The following PREPL variants were observed in gnomAD, a reference collection of about 807,000 sequenced individuals.
PREPL encodes prolyl endopeptidase like, also known as prolyl endopeptidase-like.
PREPL carries 77 observed loss-of-function variants against 70.6 expected under a neutral mutation model. That is an observed-to-expected ratio of 1.09 (90% confidence interval 0.91 to 1.32). The LOEUF (loss-of-function observed/expected upper bound fraction) is 1.32. Ranked by LOEUF, PREPL falls within the 40% of genes most tolerant of loss-of-function variation. The pLI is 0.00. For synonymous variants in PREPL, 315 were observed against 264.8 expected (o/e 1.19, Z -1.84); for missense variants, 1,002 against 778.2 (o/e 1.29, Z -3.42).
chr2:44,328,230 G>C, intron 9 of PREPL, among the ~76,000 whole-genome samples: 1 of 143,200 alleles, frequency 7.0e-6, no homozygotes, highest in Non-Finnish European at 1.5e-5. Flanking sequence ...TCATGCCACT[G>C]CACACTCCAG....
rs935323129 is a variant in PREPL at position 44,349,681 on chromosome 2, G to A, written c.-48-3291C>T. On this transcript the variant is annotated intron_variant, in intron 1 of 13. Transcript: ENST00000409411. The stretch of plus-strand genomic sequence containing the variant: ...ACAAAACTGATAGAAAAAAGAATAC[G>A]AGGCCGGGCGCGGTGGCTCACGCCT... Among the ~76,000 whole-genome samples, 5 of 152,006 alleles carry A rather than the reference G, an allele frequency of 3.3e-5. No individual in the cohort carries two copies. The East Asian group carries it at 9.6e-4, about 29-fold the overall frequency.
At chr2:44,346,569 T>A (rs962838927) in intron 1 of PREPL, among the ~76,000 whole-genome samples, 179 bp from the exon 2 acceptor site, 1 of 152,164 alleles carries the variant, frequency 6.6e-6, no homozygotes, top group Non-Finnish European at 1.5e-5. Flanking sequence ...TAAAATGATC[T>A]TTTTCGTTAA....
chr2:44,321,595 T>G, intron 13 of PREPL, 150 bp from the exon 14 acceptor site: 2 of 1,485,274 alleles, frequency 1.3e-6, no homozygotes, highest in Non-Finnish European at 1.8e-6. Flanking sequence ...GGCAGAAGGC[T>G]TCCAACAATT....
chr2:44,351,808 C>T (rs1221326595), intron 1 of PREPL, among the ~76,000 whole-genome samples: 3 of 152,206 alleles, frequency 2.0e-5, no homozygotes, highest in African/African-American at 4.8e-5. Flanking sequence ...GCCTCCTGGT[C>T]TATTTTCAAC....
Position 44,338,777 on chromosome 2 carries a change from G to A in PREPL, c.703-241C>T, listed in dbSNP as rs545617059. 2.0e-5 allele frequency among the ~76,000 whole-genome samples: 3 copies of A among 152,206 alleles called. No individual in the cohort carries two copies. The East Asian group carries it at 5.8e-4, about 29-fold the overall frequency. On this transcript the variant is annotated intron_variant, in intron 6 of 13. Coordinates refer to ENST00000409411, the MANE Select transcript of PREPL (RefSeq NM_001171613.2). ...GCCAACCACTGGACATTTGAGTGAG[G>A]GCACTGACAGCTAGCTGACTACAGA...
rs567832905 is a variant in PREPL at position 44,359,062 on chromosome 2, A to G, written c.-49+2318T>C. On this transcript the variant is annotated intron_variant, in intron 1 of 13. Coordinates refer to ENST00000409411, the MANE Select transcript of PREPL (RefSeq NM_001171613.2). ...ACATTAGAGCCCTATAAATATATGT[A>G]TACACTTTTTTTTTTTTTTTTTTTT... 1.0e-3 allele frequency among the ~76,000 whole-genome samples: 141 copies of G among 140,950 alleles called. 1 individual carries two copies. The East Asian group carries it at 0.022, about 22-fold the overall frequency. 92.5% of individuals were successfully genotyped at this position (140,950 alleles called of 152,430 possible). A position where few individuals can be genotyped will look rare whatever the true frequency, so the allele number is the denominator to read the frequency against.
At chr2:44,357,443 C>T (rs2104234671) in intron 1 of PREPL, among the ~76,000 whole-genome samples, 1 of 152,256 alleles carries the variant, frequency 6.6e-6, no homozygotes, top group South Asian at 2.1e-4. Flanking sequence ...GTGATAAAGA[C>T]CATGGCTTTT....
At chr2:44,342,309 T>C (rs1675309358) in intron 5 of PREPL, 108 bp downstream of exon 5, 2 of 1,011,166 alleles carry the variant, frequency 2.0e-6, no homozygotes, top group African/African-American at 1.6e-5. Context: ...TTAGCCTTAT[T>C]ATTCCTGGTT....
intron 1 of PREPL, among the ~76,000 whole-genome samples, chr2:44,353,025 T>A (rs183990419): frequency 1.3e-5 from 2 of 152,050 alleles, no homozygotes; most frequent in Admixed American, 6.6e-5. Flanking sequence ...GACAGGAGGA[T>A]TGCTTGAGCC....
At chr2:44,339,626 C>T (rs905381342) in intron 5 of PREPL, among the ~76,000 whole-genome samples, 2 of 152,110 alleles carry the variant, frequency 1.3e-5, no homozygotes, top group African/African-American at 2.4e-5. Context: ...GTTGAAAAAA[C>T]CATCTTGATT....
chr2:44,323,411 C>A lies in PREPL; in HGVS notation c.1480G>T (p.Ala494Ser), dbSNP rs2103697109. Residue 494 changes from alanine (A) to serine (S), a missense_variant and splice_region_variant, in exon 11 of 14, where the codon GCA (alanine) becomes TCA (serine). Coordinates refer to ENST00000409411, the MANE Select transcript of PREPL (RefSeq NM_001171613.2). ...GTGTTGAGAACATCCAAGAAAGGTG[C>A]CTAAAAAAAAGGCAAAGAAACTTAT... ...PELVRAVTLE[A>S]PFLDVLNTMM... 1.3e-6 allele frequency: 2 copies of A among 1,562,844 alleles called. No homozygotes were observed. The highest frequency in any genetic ancestry group is 1.2e-5 in the South Asian group (1 of 82,800).
Position 44,328,983 on chromosome 2 carries a change from G to GC in PREPL, c.1215dup (p.Arg406AlafsTer6). 1 of 1,613,944 alleles carries GC rather than the reference G, an allele frequency of 6.2e-7. No individual in the cohort carries two copies. Among genetic ancestry groups the GC allele is most frequent in the Non-Finnish European group, 8.5e-7 (1 of 1,179,966 alleles). On this transcript the variant is annotated frameshift_variant, in exon 9 of 14. Coordinates refer to ENST00000409411, the MANE Select transcript of PREPL (RefSeq NM_001171613.2). LOFTEE classifies it high-confidence loss of function. Reference sequence around the variant, plus strand: ...ATCCATCCATCATCCACCAGGACCCGCCTCTCAGGCCTGAAATTCATTTTC... The same window carrying GC: ...ATCCATCCATCATCCACCAGGACCCGCCCTCTCAGGCCTGAAATTCATTTTC...
At chr2:44,324,043 C>T (rs1371836036) in intron 10 of PREPL, among the ~76,000 whole-genome samples, 1 of 152,120 alleles carries the variant, frequency 6.6e-6, no homozygotes, top group Non-Finnish European at 1.5e-5. Flanking sequence ...AACCAAAGAA[C>T]GAATAAGCAA....
intron 9 of PREPL, 80 bp from the exon 10 acceptor site, chr2:44,327,008 G>A (rs1673575168): frequency 1.6e-6 from 2 of 1,232,390 alleles, no homozygotes; most frequent in South Asian, 2.6e-5. Context: ...TACACCTGGA[G>A]GCCTGTTTTT....
intron 1 of PREPL, among the ~76,000 whole-genome samples, chr2:44,349,280 C>T (rs1454224322): frequency 1.3e-5 from 2 of 151,918 alleles, no homozygotes; most frequent in Non-Finnish European, 2.9e-5. Context: ...AAGGCTAGAG[C>T]AGGGAGAAAA....
intron 8 of PREPL, 38 bp from the exon 9 acceptor site, chr2:44,329,150 C>CTTTT (rs963512870): frequency 6.7e-7 from 1 of 1,502,624 alleles, no homozygotes; most frequent in African/African-American, 1.4e-5. Context: ...AAAGAAGAGT[C>CTTTT]TTTTATAATA....
intron 1 of PREPL, among the ~76,000 whole-genome samples, chr2:44,354,021 G>C (rs1676739316): frequency 6.6e-6 from 1 of 152,016 alleles, no homozygotes; most frequent in African/African-American, 2.4e-5. Flanking sequence ...CAAAAAATTA[G>C]CTGGGCATAG....
At position 44,319,674 on chromosome 2, in the gene PREPL, T is replaced by G. The variant is rs1167277822; in HGVS notation, c.*1682A>C. 6.5e-6 allele frequency: 1 copy of G among 152,852 alleles called. No individual in the cohort carries two copies. The highest frequency in any genetic ancestry group is 1.5e-5 in the Non-Finnish European group (1 of 68,538). The allele number at this position is 152,852 out of a possible 1,614,324, so 9.5% of individuals were successfully genotyped here. A position where few individuals can be genotyped will look rare whatever the true frequency, so the allele number is the denominator to read the frequency against. Reference sequence around the variant, plus strand: ...TTTCACCTTAGGCAGCTTTTTATTTTGCATCCTTTTTTTCAACTTTGTCTT... The same window carrying G: ...TTTCACCTTAGGCAGCTTTTTATTTGGCATCCTTTTTTTCAACTTTGTCTT... On this transcript the variant is annotated 3_prime_UTR_variant, in exon 14 of 14. Transcript: ENST00000409411.
intron 4 of PREPL, among the ~76,000 whole-genome samples, chr2:44,343,187 T>A (rs1675413029): frequency 6.6e-6 from 1 of 152,172 alleles, no homozygotes; most frequent in African/African-American, 2.4e-5. Flanking sequence ...GCAACAACAT[T>A]TAGTTAAACA....
Sources: gnomAD v4.1 joint callset for allele counts (sites outside exome capture counted in the v4.1 genomes callset) on GRCh38, gnomAD v4.1.1 for gene constraint, MANE v1.5 for transcripts, NCBI Gene and HGNC (gene_info 2026-07-23, HGNC 2026-07-21) for gene names.